BCKDHB: variants seen among roughly 807,000 people sequenced by gnomAD.
BCKDHB encodes branched chain keto acid dehydrogenase E1 subunit beta, also known as 2-oxoisovalerate dehydrogenase subunit beta, mitochondrial.
A neutral mutation model predicts 48.5 loss-of-function variants in BCKDHB; 41 were observed. The observed-to-expected ratio is 0.85, with a 90% CI of 0.66 to 1.10. The LOEUF (loss-of-function observed/expected upper bound fraction) is 1.10. BCKDHB is among the 50% of genes least tolerant of loss of function. BCKDHB has a pLI of 0.00. For missense variants in BCKDHB, 496 were observed against 494.2 expected, an observed-to-expected ratio of 1.00 and a Z score of -0.03; for synonymous variants, 201 against 174.8, an observed-to-expected ratio of 1.15 and a Z score of -1.18.
the BCKDHB span, among the ~76,000 whole-genome samples, chr6:80,411,411 A>G: frequency 1.3e-5 from 2 of 152,178 alleles, no homozygotes; most frequent in Non-Finnish European, 2.9e-5. Context: ...GTCAGGCTAC[A>G]TGGGGTCAGG....
intron 9 of BCKDHB, among the ~76,000 whole-genome samples, chr6:80,295,087 C>T (rs983190723): frequency 6.6e-6 from 1 of 152,150 alleles, no homozygotes; most frequent in African/African-American, 2.4e-5. Flanking sequence ...CCCAGCAGCC[C>T]AGCTGTAAAA....
At chr6:80,176,633 T>C (rs1462341055) in intron 6 of BCKDHB, among the ~76,000 whole-genome samples, 1 of 152,182 alleles carries the variant, frequency 6.6e-6, no homozygotes, top group Non-Finnish European at 1.5e-5. Flanking sequence ...AAATCTCTTC[T>C]GAGAGTTTTT....
chr6:80,106,912 C>T (rs753888639), intron 1 of BCKDHB, 23 bp downstream of exon 1: 16 of 1,588,426 alleles, frequency 1.0e-5, no homozygotes, highest in Admixed American at 7.0e-5. Context: ...ACTGCCCACT[C>T]GGTCCCGCTG....
intron 7 of BCKDHB, among the ~76,000 whole-genome samples, chr6:80,202,668 G>A (rs556737438): frequency 6.0e-4 from 91 of 151,788 alleles, no homozygotes; most frequent in African/African-American, 2.1e-3. Context: ...CTCTTTAACC[G>A]TTCTTTTTAT....
At chr6:80,418,116 G>A in the BCKDHB span, among the ~76,000 whole-genome samples, 1 of 152,018 alleles carries the variant, frequency 6.6e-6, no homozygotes, top group Non-Finnish European at 1.5e-5. Context: ...TCCACTTGAT[G>A]TATTCTGCTA....
chr6:80,278,940 A>G (rs753376736), intron 9 of BCKDHB, among the ~76,000 whole-genome samples: 1 of 152,204 alleles, frequency 6.6e-6, no homozygotes. Flanking sequence ...TTCCAACATT[A>G]TGCTTATTTT....
chr6:80,324,684 T>C (rs1768941987), intron 9 of BCKDHB, among the ~76,000 whole-genome samples: 2 of 152,034 alleles, frequency 1.3e-5, no homozygotes, highest in South Asian at 4.2e-4. Context: ...TACCCTCCCT[T>C]CTCTCTTCTC....
intron 8 of BCKDHB, among the ~76,000 whole-genome samples, chr6:80,248,565 G>A (rs939728149): frequency 6.6e-6 from 1 of 152,150 alleles, no homozygotes; most frequent in Non-Finnish European, 1.5e-5. Context: ...CTTCTGGCTT[G>A]ACTACAGGAT....
chr6:80,170,132 G>A (rs929088995), intron 5 of BCKDHB, among the ~76,000 whole-genome samples: 7 of 151,788 alleles, frequency 4.6e-5, no homozygotes, highest in African/African-American at 1.7e-4. Flanking sequence ...TAAAAAGTAG[G>A]AACATAAGAT....
At chr6:80,437,370 TC>T in the BCKDHB span, among the ~76,000 whole-genome samples, 1 of 151,498 alleles carries the variant, frequency 6.6e-6, no homozygotes, top group African/African-American at 2.5e-5. Context: ...TTAACATGTA[TC>T]CGCTGCCTTT....
intron 6 of BCKDHB, among the ~76,000 whole-genome samples, chr6:80,182,882 T>C (rs1773478272): frequency 6.6e-6 from 1 of 152,206 alleles, no homozygotes; most frequent in African/African-American, 2.4e-5. Context: ...AATATATTTT[T>C]GATATATTTC....
intron 1 of BCKDHB, among the ~76,000 whole-genome samples, chr6:80,119,891 G>A (rs141180903): frequency 0.072 from 10,914 of 151,266 alleles, 589 homozygotes; most frequent in South Asian, 0.24. Flanking sequence ...TATACTTTAA[G>A]TTCTAGGGTA....
At chr6:80,352,436 C>T in the BCKDHB span, among the ~76,000 whole-genome samples, 13,870 of 152,154 alleles carry the variant, frequency 0.091, 809 homozygotes, top group East Asian at 0.17. Context: ...CAATCAACCC[C>T]CAGGCTAGCT....
the BCKDHB span, among the ~76,000 whole-genome samples, chr6:80,418,142 G>C: frequency 5.3e-5 from 8 of 152,008 alleles, no homozygotes; most frequent in Admixed American, 5.2e-4. Flanking sequence ...ATTTGTGATT[G>C]CATTATGAAA....
chr6:80,369,122 T>C, the BCKDHB span, among the ~76,000 whole-genome samples: 145,360 of 152,118 alleles, frequency 0.96, 69,823 homozygotes, highest in Middle Eastern at 1. Context: ...TTCTTTGTTG[T>C]AATTTGATGT....
the BCKDHB span, among the ~76,000 whole-genome samples, chr6:80,360,826 T>C: frequency 6.6e-6 from 1 of 151,616 alleles, no homozygotes; most frequent in East Asian, 1.9e-4. Context: ...GCCAATATGG[T>C]GAAACCCGTC....
intron 3 of BCKDHB, among the ~76,000 whole-genome samples, chr6:80,137,487 C>A (rs933267684): frequency 2.6e-5 from 4 of 152,170 alleles, no homozygotes; most frequent in African/African-American, 9.7e-5. Flanking sequence ...CTCTTGGGCT[C>A]AAGCAGTCCT....
intron 1 of BCKDHB, among the ~76,000 whole-genome samples, chr6:80,118,952 C>A (rs1469374201): frequency 6.6e-6 from 1 of 152,100 alleles, no homozygotes; most frequent in Non-Finnish European, 1.5e-5. Context: ...CTATTTCTAC[C>A]ACGTCTGCAG....
chr6:80,118,383 G>A (rs1172145974), intron 1 of BCKDHB, among the ~76,000 whole-genome samples: 4 of 151,968 alleles, frequency 2.6e-5, no homozygotes, highest in East Asian at 1.9e-4. Flanking sequence ...ATACTTTATC[G>A]ATAAAAATTG....
Sources: allele counts gnomAD v4.1 joint callset (sites outside exome capture counted in the v4.1 genomes callset), GRCh38; gene constraint gnomAD v4.1.1; transcripts MANE v1.5; gene names NCBI Gene and HGNC (gene_info 2026-07-23, HGNC 2026-07-21).